Variants in PGPEP1L observed in about 807,000 individuals in gnomAD.
The protein encoded by PGPEP1L is pyroglutamyl-peptidase I like.
Under a neutral mutation model 6.0 loss-of-function variants are expected in PGPEP1L, and 7 were observed. The ratio of observed to expected loss-of-function variants is 1.17; its 90% CI spans 0.66 to 2.19. The LOEUF (loss-of-function observed/expected upper bound fraction) is 2.19, where lower values mean the gene tolerates loss of function less well. Among genes scored for constraint, PGPEP1L ranks in the 30% most tolerant of loss-of-function variants. The probability of loss-of-function intolerance (pLI) is 0.00; values close to 1 mark genes in which losing one functional copy is unlikely to be tolerated. For synonymous variants in PGPEP1L, 103 were observed against 83.9 expected (o/e 1.23, Z -1.24); for missense variants, 209 against 192.5 (o/e 1.09, Z -0.51).
In PGPEP1L at chr15:98,969,039, C is replaced by A. The variant is rs528291138; in HGVS notation, c.210-342G>T. ...AGGGGAAAAACCACCTACTGGGGAT[C>A]GGAGTTTGGAGAAACAAAGGTAAAT... On this transcript the variant is annotated intron_variant, in intron 4 of 4. Transcript: ENST00000535714. 1.2e-3 allele frequency among the ~76,000 whole-genome samples: 186 copies of A among 152,340 alleles called. 1 individual carries two copies. The highest frequency in any genetic ancestry group is 4.2e-3 in the African/African-American group (173 of 41,586).
intron 2 of PGPEP1L, among the ~76,000 whole-genome samples, chr15:98,991,220 TAATA>T (rs2017815538): frequency 6.6e-6 from 1 of 151,592 alleles, no homozygotes; most frequent in Admixed American, 6.6e-5. Flanking sequence ...CTAGCCAGAC[TAATA>T]AAGAAAAGAG....
intron 2 of PGPEP1L, among the ~76,000 whole-genome samples, chr15:98,996,377 C>T (rs1418182655): frequency 6.6e-6 from 1 of 152,180 alleles, no homozygotes; most frequent in Admixed American, 6.5e-5. Flanking sequence ...GTTTCATCTC[C>T]ACCCCCCTTG....
At chr15:98,981,751 A>AG (rs2017667007) in intron 2 of PGPEP1L, among the ~76,000 whole-genome samples, 1 of 152,224 alleles carries the variant, frequency 6.6e-6, no homozygotes, top group African/African-American at 2.4e-5. Flanking sequence ...AAGGTTAATA[A>AG]TGGGAAGAAT....
chr15:98,971,071 T>C lies in PGPEP1L; in HGVS notation c.-54A>G, dbSNP rs2017486443. 6.2e-7 allele frequency: 1 copy of C among 1,613,570 alleles called. No homozygotes were observed. Among genetic ancestry groups the C allele is most frequent in the African/African-American group, 1.3e-5 (1 of 74,932 alleles). ...TGATCTTCCCAGATTCCGGTGACCCTCCGCTTAGCCTCCCTGTAATCTACA... is the reference window on the plus strand; with the variant it reads ...TGATCTTCCCAGATTCCGGTGACCCCCCGCTTAGCCTCCCTGTAATCTACA... On this transcript the variant is annotated 5_prime_UTR_variant, in exon 3 of 5. Transcript: ENST00000535714.
chr15:99,004,992 T>C (rs1324074493), intron 2 of PGPEP1L, among the ~76,000 whole-genome samples: 4 of 151,874 alleles, frequency 2.6e-5, no homozygotes. Context: ...CTGTTGTAGA[T>C]GGGTTTGCAA....
chr15:98,987,091 C>T (rs772088163), intron 2 of PGPEP1L, among the ~76,000 whole-genome samples: 6 of 133,874 alleles, frequency 4.5e-5, no homozygotes, highest in Non-Finnish European at 4.6e-5. Flanking sequence ...TGCTTAAACC[C>T]GGGAGGCGAG....
At position 98,968,360 on chromosome 15, in the gene PGPEP1L, C is replaced by T. The variant is rs979076144; in HGVS notation, c.*118G>A. 2.0e-6 allele frequency: 2 copies of T among 1,004,516 alleles called. No individual in the cohort carries two copies. Among genetic ancestry groups the T allele is most frequent in the Non-Finnish European group, 2.9e-6 (2 of 678,104 alleles). The allele number at this position is 1,004,516 out of a possible 1,614,324, so 62.2% of individuals were successfully genotyped here. On this transcript the variant is annotated 3_prime_UTR_variant, in exon 5 of 5. Transcript: ENST00000535714. ...CCTTTGTGATTTTGTTGGGCTAATT[C>T]AGAGTTTTCCACCCTCTTTGTCTTA...
At chr15:99,003,793 G>A (rs1361535069) in intron 2 of PGPEP1L, among the ~76,000 whole-genome samples, 1 of 147,660 alleles carries the variant, frequency 6.8e-6, no homozygotes, top group Non-Finnish European at 1.5e-5. Flanking sequence ...GACAAAGGCA[G>A]GGGTCAGTGT....
At chr15:98,978,241 G>A (rs1723276047) in intron 2 of PGPEP1L, among the ~76,000 whole-genome samples, 1 of 152,224 alleles carries the variant, frequency 6.6e-6, no homozygotes, top group African/African-American at 2.4e-5. Flanking sequence ...GGCGCTGTGT[G>A]TGAGCACTAG....
In PGPEP1L at chr15:98,968,655, T is replaced by G. The variant is rs1453031520; in HGVS notation, c.252A>C (p.Gly84=). The change falls in exon 5 of 5, where the codon GGA becomes GGC. Residue 84 remains glycine (G), a synonymous_variant. Transcript: ENST00000535714. ...DYTYYLSLHH[G]KGCAALIHVP... ...CATGGATGAGTGCCGCGCAGCCCTT[T>G]CCATGATGCAGAGACAGGTAATAGG... The G allele has an allele frequency of 6.3e-7, 1 of 1,591,480 alleles. No homozygotes were observed. Among genetic ancestry groups the G allele is most frequent in the African/African-American group, 1.3e-5 (1 of 74,564 alleles).
Position 99,007,343 on chromosome 15 carries a change from A to G in PGPEP1L, c.-370+16T>C, listed in dbSNP as rs1995797. 142,414 of 152,282 alleles carry G rather than the reference A, an allele frequency of 0.94. 66,633 individuals are homozygous for G. Among genetic ancestry groups the G allele is most frequent in the South Asian group, 0.95 (4,561 of 4,824 alleles). 9.4% of individuals were successfully genotyped at this position (152,282 alleles called of 1,614,324 possible). ...ACCTCCTCTGGTGAGCAGCTCTCCTAGCTCCTATCACTTACCTAGTTCCGT... is the reference window on the plus strand; with the variant it reads ...ACCTCCTCTGGTGAGCAGCTCTCCTGGCTCCTATCACTTACCTAGTTCCGT... On this transcript the variant is annotated intron_variant, in intron 1 of 4. Coordinates refer to ENST00000535714, the MANE Select transcript of PGPEP1L (RefSeq NM_001167902.2).
At position 98,968,617 on chromosome 15, in the gene PGPEP1L, G is replaced by C. The variant is rs781486295; in HGVS notation, c.290C>G (p.Ser97Trp). The stretch of plus-strand genomic sequence containing the variant: ...CAGCAGGCTGGCCGGGAGCCCGCGC[G>C]ATAGTGGAGGGACATGGATGAGTGC... ...CAALIHVPPL[S>W]RGLPASLLGR... Residue 97 changes from serine to tryptophan, a missense_variant, in exon 5 of 5, where the codon TCG (serine) becomes TGG (tryptophan). By Grantham distance (177) the Ser-to-Trp change is radical. Coordinates refer to ENST00000535714, the MANE Select transcript of PGPEP1L (RefSeq NM_001167902.2). 6.2e-7 allele frequency: 1 copy of C among 1,604,974 alleles called. No individual in the cohort carries two copies.
chr15:99,005,846 G>A (rs2018049387), intron 1 of PGPEP1L, among the ~76,000 whole-genome samples, 190 bp from the exon 2 acceptor site: 4 of 152,184 alleles, frequency 2.6e-5, no homozygotes, highest in Admixed American at 2.6e-4. Flanking sequence ...AGGATGTCTG[G>A]GACGGAACAC....
At chr15:98,982,707 T>C (rs1472795602) in intron 2 of PGPEP1L, among the ~76,000 whole-genome samples, 2 of 33,876 alleles carry the variant, frequency 5.9e-5, no homozygotes, top group African/African-American at 2.4e-4. Flanking sequence ...AGGCTTTTTT[T>C]TTTTTTTTTT....
At chr15:98,996,473 T>C (rs1332867009) in intron 2 of PGPEP1L, among the ~76,000 whole-genome samples, 5 of 152,152 alleles carry the variant, frequency 3.3e-5, no homozygotes, top group Admixed American at 2.6e-4. Flanking sequence ...GCTCTTGGTA[T>C]GTGTATATGG....
chr15:98,983,079 CAT>C (rs1256259174), intron 2 of PGPEP1L, among the ~76,000 whole-genome samples: 2 of 150,860 alleles, frequency 1.3e-5, no homozygotes, highest in African/African-American at 2.4e-5. Flanking sequence ...AAATGTCTGT[CAT>C]ATATGTGTTT....
chr15:98,999,473 A>T (rs1170472836), intron 2 of PGPEP1L, among the ~76,000 whole-genome samples: 8 of 152,228 alleles, frequency 5.3e-5, no homozygotes, highest in African/African-American at 1.9e-4. Context: ...TCACTCACAC[A>T]TTGCTGGTGG....
chr15:98,978,975 A>G (rs1483035130), intron 2 of PGPEP1L, among the ~76,000 whole-genome samples: 5 of 151,622 alleles, frequency 3.3e-5, no homozygotes, highest in Non-Finnish European at 7.4e-5. Context: ...TGATCCGCCC[A>G]CCTTGGCCTC....
In PGPEP1L at chr15:98,969,368, C is replaced by G; in HGVS notation, c.209+57G>C. ...TGGCTTCTTGGAGGTCGGGGGGACG[C>G]TGACGGCCATTGCTTCTCTCCTACC... is the stretch of plus-strand genomic sequence containing the variant. On this transcript the variant is annotated intron_variant, in intron 4 of 4. Transcript: ENST00000535714. 3.1e-6 allele frequency: 5 copies of G among 1,601,958 alleles called. No homozygotes were observed. In the South Asian group the frequency reaches 5.5e-5, roughly 18 times the overall value.
Sources: allele counts gnomAD v4.1 joint callset (sites outside exome capture counted in the v4.1 genomes callset), GRCh38; gene constraint gnomAD v4.1.1; transcripts MANE v1.5; gene names NCBI Gene and HGNC (gene_info 2026-07-23, HGNC 2026-07-21).